Variants in PGAP1 observed in about 807,000 individuals in gnomAD.
The protein encoded by PGAP1 is post-GPI attachment to proteins inositol deacylase 1.
A neutral mutation model predicts 127.0 loss-of-function variants in PGAP1; 76 were observed. The observed-to-expected ratio is 0.60, with a 90% CI of 0.50 to 0.72. The LOEUF (loss-of-function observed/expected upper bound fraction) is 0.72, where lower values mean the gene tolerates loss of function less well. Among genes scored for constraint, PGAP1 ranks in the 30% least tolerant of loss-of-function variants. The pLI, the probability that PGAP1 is intolerant of heterozygous loss-of-function variation, is 0.00. For synonymous variants in PGAP1, 362 were observed against 366.5 expected (o/e 0.99, Z 0.14); for missense variants, 982 against 1,071.3 (o/e 0.92, Z 1.16).
At chr2:196,844,449 TAA>T (rs3839046) in intron 24 of PGAP1, 73 bp downstream of exon 24, 32 of 933,518 alleles carry the variant, frequency 3.4e-5, no homozygotes, top group South Asian at 1.1e-4. Flanking sequence ...ATACTAACCT[TAA>T]AAAAAAAAAC....
intron 20 of PGAP1, among the ~76,000 whole-genome samples, chr2:196,856,226 A>G (rs1377949692): frequency 6.6e-6 from 1 of 152,048 alleles, no homozygotes. Flanking sequence ...CATGCTGGCC[A>G]AGCTGGTCTC....
At chr2:196,870,844 G>T in intron 19 of PGAP1, 97 bp downstream of exon 19, 3 of 1,012,466 alleles carry the variant, frequency 3.0e-6, no homozygotes, top group South Asian at 3.2e-5. Context: ...AAAAATTATT[G>T]ATTATCCAGC....
intron 20 of PGAP1, among the ~76,000 whole-genome samples, chr2:196,862,286 C>T (rs941278362): frequency 6.6e-6 from 1 of 152,096 alleles, no homozygotes; most frequent in Non-Finnish European, 1.5e-5. Context: ...CCCAGTCTCT[C>T]ATAGTGCTCC....
intron 18 of PGAP1, 69 bp from the exon 19 acceptor site, chr2:196,871,048 A>T: frequency 2.7e-6 from 3 of 1,109,994 alleles, no homozygotes; most frequent in Non-Finnish European, 4.1e-6. Flanking sequence ...TATTAAATTG[A>T]GCACTTATGC....
Position 196,847,059 on chromosome 2 carries a change from G to C in PGAP1, c.2094C>G (p.Gly698=). ...GTCTCACAGATGCAGAAGACAGTAG[G>C]CCACTCCAGTAGGCAGTACACGTTC... ...LFGTCTAYWS[G]LLSSASVRLL... Residue 698 remains glycine, a synonymous_variant, in exon 22 of 27, where the codon GGC becomes GGG. Transcript: ENST00000354764. 1 of 1,613,706 alleles carries C rather than the reference G, an allele frequency of 6.2e-7. No individual in the cohort carries two copies. Among genetic ancestry groups the C allele is most frequent in the Non-Finnish European group, 8.5e-7 (1 of 1,179,796 alleles).
chr2:196,890,008 C>T (rs1250262754), intron 10 of PGAP1, among the ~76,000 whole-genome samples: 1 of 151,950 alleles, frequency 6.6e-6, no homozygotes, highest in Non-Finnish European at 1.5e-5. Context: ...GATCTCAACT[C>T]ATTGCCATCT....
chr2:196,864,718 T>C (rs1392254522), intron 20 of PGAP1, among the ~76,000 whole-genome samples: 3 of 152,152 alleles, frequency 2.0e-5, no homozygotes, highest in Non-Finnish European at 4.4e-5. Context: ...GGATTGGTGG[T>C]TGATAGTGGA....
At chr2:196,890,589 G>C (rs970711813) in intron 10 of PGAP1, among the ~76,000 whole-genome samples, 1 of 151,978 alleles carries the variant, frequency 6.6e-6, no homozygotes, top group African/African-American at 2.4e-5. Flanking sequence ...GTAAAATGAA[G>C]GCAGAAAGAC....
At chr2:196,877,372 TA>T (rs1701600530) in intron 13 of PGAP1, among the ~76,000 whole-genome samples, 1 of 152,058 alleles carries the variant, frequency 6.6e-6, no homozygotes, top group African/African-American at 2.4e-5. Flanking sequence ...ATGAAAGACT[TA>T]AGTTATAATT....
At position 196,865,005 on chromosome 2, in the gene PGAP1, A is replaced by G; in HGVS notation, c.1843T>C (p.Tyr615His). 3 of 1,550,482 alleles carry G rather than the reference A, an allele frequency of 1.9e-6. No individual in the cohort carries two copies. The highest frequency in any genetic ancestry group is 2.6e-6 in the Non-Finnish European group (3 of 1,154,994). The change falls in exon 20 of 27, where the codon TAT (tyrosine) becomes CAT (histidine). Residue 615 changes from tyrosine to histidine, a missense_variant. Coordinates refer to ENST00000354764, the MANE Select transcript of PGAP1 (RefSeq NM_024989.4). Reference protein sequence around the residue: ...NILLAYRGQLYSLFSTGCCLE... With the variant: ...NILLAYRGQLHSLFSTGCCLE... ...TTCTTACCTGTTGAGAAAAGAGAATATAACTGTCCTCTATAAGCAAGAAGG... is the reference window on the plus strand; with the variant it reads ...TTCTTACCTGTTGAGAAAAGAGAATGTAACTGTCCTCTATAAGCAAGAAGG...
intron 4 of PGAP1, among the ~76,000 whole-genome samples, chr2:196,909,870 T>A (rs1702779074): frequency 1.9e-4 from 1 of 5,232 alleles, no homozygotes; most frequent in Non-Finnish European, 2.8e-4. Flanking sequence ...TCAAAGAGAA[T>A]AAAATACCTA....
At chr2:196,874,702 T>C (rs1209333759) in intron 14 of PGAP1, among the ~76,000 whole-genome samples, 1 of 152,174 alleles carries the variant, frequency 6.6e-6, no homozygotes, top group Non-Finnish European at 1.5e-5. Context: ...CAAAAATACA[T>C]AACCTCAATC....
intron 10 of PGAP1, among the ~76,000 whole-genome samples, chr2:196,889,784 G>A (rs920033163): frequency 2.7e-5 from 4 of 150,722 alleles, no homozygotes; most frequent in Non-Finnish European, 5.9e-5. Context: ...GCGTGAACCC[G>A]GGAGGTGGAG....
chr2:196,911,135 T>G (rs1192636792), intron 4 of PGAP1, among the ~76,000 whole-genome samples: 1 of 2,780 alleles, frequency 3.6e-4, no homozygotes, highest in African/African-American at 2.2e-3. Flanking sequence ...TAAATCATGC[T>G]GCTATAAAGA....
At chr2:196,876,391 G>T (rs187011626) in intron 13 of PGAP1, among the ~76,000 whole-genome samples, 103 of 152,094 alleles carry the variant, frequency 6.8e-4, no homozygotes, top group Admixed American at 7.2e-4. Context: ...TGGAAAAAAG[G>T]TTTACTATGT....
chr2:196,898,520 G>T, intron 5 of PGAP1, 151 bp from the exon 6 acceptor site: 1 of 534,176 alleles, frequency 1.9e-6, no homozygotes, highest in Non-Finnish European at 3.3e-6. Flanking sequence ...TCTTATAAAA[G>T]GTGATCCAAA....
At chr2:196,848,863 C>T (rs1700634310) in intron 20 of PGAP1, among the ~76,000 whole-genome samples, 1 of 152,050 alleles carries the variant, frequency 6.6e-6, no homozygotes, top group Non-Finnish European at 1.5e-5. Context: ...CTGTATTTAG[C>T]CATTTGAGGA....
chr2:196,860,854 T>C (rs1037561981), intron 20 of PGAP1, among the ~76,000 whole-genome samples: 2 of 152,138 alleles, frequency 1.3e-5, no homozygotes, highest in African/African-American at 2.4e-5. Context: ...AATCATATGG[T>C]ACCACAAATG....
rs745537521 is a variant in PGAP1 at position 196,870,999 on chromosome 2, G to GA, written c.1729-21dup. The GA allele has an allele frequency of 3.1e-5, 49 of 1,559,126 alleles. No individual in the cohort carries two copies. Among genetic ancestry groups the GA allele is most frequent in the Middle Eastern group, 1.7e-4 (1 of 5,918 alleles). On this transcript the variant is annotated intron_variant, in intron 18 of 26. Coordinates refer to ENST00000354764, the MANE Select transcript of PGAP1 (RefSeq NM_024989.4). Reference sequence around the variant, plus strand: ...TGTCACCTAGTTTAAAACAATTATTGAAAAAAAAGGTTATTTTCCTCTAAA... The same window carrying GA: ...TGTCACCTAGTTTAAAACAATTATTGAAAAAAAAAGGTTATTTTCCTCTAAA...
Sources: allele counts gnomAD v4.1 joint callset (sites outside exome capture counted in the v4.1 genomes callset), GRCh38; gene constraint gnomAD v4.1.1; transcripts MANE v1.5; gene names NCBI Gene and HGNC (gene_info 2026-07-23, HGNC 2026-07-21).